NRG2: variants seen among roughly 807,000 people sequenced by gnomAD.
NRG2 encodes pro-neuregulin-2, membrane-bound isoform.
NRG2 carries 27 observed loss-of-function variants against 73.9 expected under a neutral mutation model. The observed-to-expected ratio is 0.37, with a 90% CI of 0.27 to 0.50. NRG2 has a LOEUF of 0.50. NRG2 is among the 20% of genes least tolerant of loss of function. The probability of loss-of-function intolerance (pLI) is 0.96; values close to 1 mark genes in which losing one functional copy is unlikely to be tolerated. For synonymous variants in NRG2, 532 were observed against 541.0 expected (o/e 0.98, Z 0.23); for missense variants, 1,126 against 1,210.1 (o/e 0.93, Z 1.03).
At chr5:139,879,438 AC>A (rs888829650) in intron 3 of NRG2, among the ~76,000 whole-genome samples, 2 of 152,080 alleles carry the variant, frequency 1.3e-5, no homozygotes, top group African/African-American at 2.4e-5. Flanking sequence ...TCCTCTTCCC[AC>A]CCCACTCTCC....
chr5:139,996,909 G>A (rs946572843), intron 1 of NRG2, among the ~76,000 whole-genome samples: 4 of 152,078 alleles, frequency 2.6e-5, no homozygotes, highest in African/African-American at 9.7e-5. Flanking sequence ...CGATGGGGGT[G>A]GGGGGCAGAT....
intron 1 of NRG2, among the ~76,000 whole-genome samples, chr5:139,990,503 G>A (rs561935851): frequency 1.1e-4 from 16 of 151,588 alleles, no homozygotes; most frequent in South Asian, 2.1e-4. Context: ...ATTGGGTTTC[G>A]CCATGTTGCC....
At chr5:139,859,995 G>A (rs987959459) in intron 5 of NRG2, 30 of 1,430,008 alleles carry the variant, frequency 2.1e-5, no homozygotes, top group Non-Finnish European at 2.8e-5. Flanking sequence ...GAGAGAGAGA[G>A]ACAGAAACGT....
At chr5:139,941,625 T>C (rs1458923791) in intron 1 of NRG2, among the ~76,000 whole-genome samples, 2 of 152,230 alleles carry the variant, frequency 1.3e-5, no homozygotes, top group Non-Finnish European at 2.9e-5. Context: ...GAGTCTTCTC[T>C]TGATATTTGC....
chr5:139,855,713 C>G lies in NRG2; in HGVS notation c.1255G>C (p.Val419Leu). The G allele has an allele frequency of 2.5e-6, 4 of 1,614,082 alleles. No homozygotes were observed. Among genetic ancestry groups the G allele is most frequent in the Non-Finnish European group, 3.4e-6 (4 of 1,179,982 alleles). ...TAGGCCACCACACAGACGATGCCCA[C>G]GACCAGCAGAGCCACGCAGATGCCC... ...ITGICVALLV[V>L]GIVCVVAYCK... is the part of the protein sequence containing the mutation. Residue 419 changes from valine to leucine, a missense_variant, in exon 6 of 10, where the codon GTG becomes CTG. Physicochemically the swap from Val to Leu is conservative, Grantham distance 32 (BLOSUM62 1). Transcript: ENST00000361474.
intron 1 of NRG2, among the ~76,000 whole-genome samples, chr5:139,961,211 G>A (rs528379627): frequency 3.4e-4 from 52 of 152,314 alleles, no homozygotes; most frequent in African/African-American, 1.2e-3. Flanking sequence ...CTGAGGAGAA[G>A]GGGGAGCCCC....
intron 1 of NRG2, among the ~76,000 whole-genome samples, chr5:139,968,508 A>T (rs1232148046): frequency 6.6e-6 from 1 of 152,158 alleles, no homozygotes; most frequent in Admixed American, 6.5e-5. Context: ...AACCTGGTCG[A>T]TCCTCGCCAA....
chr5:139,968,243 G>A (rs1392709344), intron 1 of NRG2, among the ~76,000 whole-genome samples: 5 of 152,174 alleles, frequency 3.3e-5, no homozygotes, highest in Non-Finnish European at 5.9e-5. Context: ...GGGTGAGAAG[G>A]GAAGATGTGG....
chr5:139,949,774 G>C (rs1281744089), intron 1 of NRG2, among the ~76,000 whole-genome samples: 1 of 152,212 alleles, frequency 6.6e-6, no homozygotes, highest in African/African-American at 2.4e-5. Context: ...GCTTTGCTGG[G>C]TGTCTGGCCA....
At chr5:139,937,527 T>C (rs1010552919) in intron 1 of NRG2, among the ~76,000 whole-genome samples, 7 of 152,378 alleles carry the variant, frequency 4.6e-5, no homozygotes, top group South Asian at 4.1e-4. Flanking sequence ...GATTCACAGA[T>C]GACATGGTTG....
chr5:139,893,211 TC>T (rs1764332418), intron 1 of NRG2, among the ~76,000 whole-genome samples: 2 of 152,142 alleles, frequency 1.3e-5, no homozygotes, highest in African/African-American at 4.8e-5. Context: ...TTTTTCCAAG[TC>T]TAGAATCATT....
intron 1 of NRG2, among the ~76,000 whole-genome samples, chr5:140,004,405 C>G (rs115781985): frequency 6.6e-6 from 1 of 152,152 alleles, no homozygotes; most frequent in African/African-American, 2.4e-5. Flanking sequence ...TGCACAGTCT[C>G]AAAGTATGTC....
At chr5:140,033,079 ACT>A (rs1761267394) in intron 1 of NRG2, among the ~76,000 whole-genome samples, 1 of 152,140 alleles carries the variant, frequency 6.6e-6, no homozygotes, top group Admixed American at 6.5e-5. Context: ...AATCACACAA[ACT>A]CAAAAAATGT....
intron 1 of NRG2, among the ~76,000 whole-genome samples, chr5:139,970,600 C>G (rs898701442): frequency 6.6e-6 from 1 of 152,234 alleles, no homozygotes. Context: ...ACTATTCCAG[C>G]CCTGCTATCC....
intron 1 of NRG2, among the ~76,000 whole-genome samples, chr5:139,949,006 A>G (rs1431982928): frequency 6.6e-6 from 1 of 152,134 alleles, no homozygotes; most frequent in Non-Finnish European, 1.5e-5. Flanking sequence ...GGCTTCTAGG[A>G]TTCTCAGTGA....
chr5:140,019,922 T>C (rs1450346190), intron 1 of NRG2, among the ~76,000 whole-genome samples: 1 of 152,162 alleles, frequency 6.6e-6, no homozygotes, highest in Non-Finnish European at 1.5e-5. Flanking sequence ...CGGCTAATTT[T>C]TGGCATTTTT....
At chr5:139,935,894 G>A (rs1017937128) in intron 1 of NRG2, among the ~76,000 whole-genome samples, 16 of 150,406 alleles carry the variant, frequency 1.1e-4, no homozygotes, top group Middle Eastern at 6.8e-3. Flanking sequence ...GGGAGGTGGA[G>A]ATTGCAGTGA....
intron 1 of NRG2, among the ~76,000 whole-genome samples, chr5:139,988,860 T>C (rs1372106540): frequency 1.3e-5 from 2 of 151,958 alleles, no homozygotes; most frequent in Admixed American, 1.3e-4. Context: ...ATATTGTAAT[T>C]GGGAGCCTGA....
At chr5:140,015,569 T>C (rs1759704296) in intron 1 of NRG2, among the ~76,000 whole-genome samples, 1 of 152,232 alleles carries the variant, frequency 6.6e-6, no homozygotes, top group African/African-American at 2.4e-5. Flanking sequence ...GAGGTAGGAC[T>C]GGATCTGTGC....
Sources: gnomAD v4.1 joint callset for allele counts (sites outside exome capture counted in the v4.1 genomes callset) on GRCh38, gnomAD v4.1.1 for gene constraint, MANE v1.5 for transcripts, NCBI Gene and HGNC (gene_info 2026-07-23, HGNC 2026-07-21) for gene names.